The following HEBP1 variants were observed in gnomAD, a reference collection of about 807,000 sequenced individuals.
HEBP1 encodes the protein heme-binding protein 1.
A neutral mutation model predicts 20.4 loss-of-function variants in HEBP1; 13 were observed. That is an observed-to-expected ratio of 0.64 (90% CI 0.42 to 1.01). The LOEUF is 1.01. Ranked by LOEUF, HEBP1 falls within the 50% of genes least tolerant of loss-of-function variation. The pLI, the probability that HEBP1 is intolerant of heterozygous loss-of-function variation, is 0.00. For synonymous variants in HEBP1, 92 were observed against 90.7 expected (o/e 1.01, Z -0.08); for missense variants, 241 against 247.3 (o/e 0.97, Z 0.17).
rs145821079 is a variant in HEBP1, at chr12:12,987,590, T to TTCTC, written c.218-262_218-259dup. 3.0e-3 allele frequency among the ~76,000 whole-genome samples: 397 copies of TTCTC among 133,228 alleles called. 1 individual carries two copies. The highest frequency in any genetic ancestry group is 6.2e-3 in the Admixed American group (80 of 12,886). 87.4% of individuals were successfully genotyped at this position (133,228 alleles called of 152,430 possible). A position where few individuals can be genotyped will look rare whatever the true frequency, so the allele number is the denominator to read the frequency against. On this transcript the variant is annotated intron_variant, in intron 2 of 3. Transcript: ENST00000014930. ...TCAAGACTGTAGATTATCAGTCTCTTTCTCTCTCTCTCTCTCTCTCTTTCT... is the reference window on the plus strand; with the variant it reads ...TCAAGACTGTAGATTATCAGTCTCTTTCTCTCTCTCTCTCTCTCTCTCTCTTTCT...
At chr12:12,984,033 A>G (rs748186921) in intron 3 of HEBP1, 6 of 241,602 alleles carry the variant, frequency 2.5e-5, no homozygotes, top group Non-Finnish European at 4.2e-5. Flanking sequence ...ACAAACTGAA[A>G]CGTATCAAAT....
chr12:12,975,360 G>A lies in HEBP1; in HGVS notation c.518C>T (p.Pro173Leu). 2 of 1,614,084 alleles carry A rather than the reference G, an allele frequency of 1.2e-6. No homozygotes were observed. The highest frequency in any genetic ancestry group is 1.1e-5 in the South Asian group (1 of 91,074). Residue 173 changes from proline to leucine, a missense_variant, in exon 4 of 4, where the codon CCT (proline) becomes CTT (leucine). Physicochemically the swap from Pro to Leu is moderately conservative, Grantham distance 98. Coordinates refer to ENST00000014930, the MANE Select transcript of HEBP1 (RefSeq NM_015987.5). ...GDIYFCTGYD[P>L]PMKPYGRRNE... is the part of the protein sequence containing the mutation. ...GCGCCGTCCGTAGGGCTTCATGGGA[G>A]GGTCATAACCCGTGCAGAAGTAGAT...
chr12:12,989,156 G>A, intron 2 of HEBP1, 121 bp downstream of exon 2: 3 of 1,042,938 alleles, frequency 2.9e-6, no homozygotes, highest in Non-Finnish European at 4.4e-6. Context: ...GAGGTTCACA[G>A]GTCATTGAAA....
intron 1 of HEBP1, among the ~76,000 whole-genome samples, chr12:12,997,234 GC>G (rs1466482577): frequency 6.6e-6 from 1 of 152,072 alleles, no homozygotes; most frequent in Non-Finnish European, 1.5e-5. Flanking sequence ...TATCCCAGAG[GC>G]CCCAAATTAA....
rs955168854 is a variant in HEBP1 at position 12,998,387 on chromosome 12, T to C, written c.78+1650A>G. 2.0e-5 allele frequency among the ~76,000 whole-genome samples: 3 copies of C among 152,198 alleles called. No homozygotes were observed. Among genetic ancestry groups the C allele is most frequent in the Non-Finnish European group, 4.4e-5 (3 of 68,022 alleles). ...GTTTTCCTTAAGAATTTGGCAACAC[T>C]GTTTCATATATCACTGCATAGCAAC... is the stretch of plus-strand genomic sequence containing the variant. On this transcript the variant is annotated intron_variant, in intron 1 of 3. Coordinates refer to ENST00000014930, the MANE Select transcript of HEBP1 (RefSeq NM_015987.5). The surrounding 1 kb of genome is among the most constrained non-coding windows in gnomAD (Gnocchi z 4.2).
At position 13,000,242 on chromosome 12, in the gene HEBP1, GCGGCAAGGCGGCGGGA is replaced by G. The variant is rs1324335662; in HGVS notation, c.-144_-129del. The G allele has an allele frequency of 2.7e-6, 1 of 368,990 alleles. No individual in the cohort carries two copies. 22.9% of individuals were successfully genotyped at this position (368,990 alleles called of 1,614,324 possible). A position where few individuals can be genotyped will look rare whatever the true frequency, so the allele number is the denominator to read the frequency against. On this transcript the variant is annotated 5_prime_UTR_variant, in exon 1 of 4. Coordinates refer to ENST00000014930, the MANE Select transcript of HEBP1 (RefSeq NM_015987.5). ...GGCGGCAGGGCGGCAGGGTGGCAGG[GCGGCAAGGCGGCGGGA>G]CGGCGAGGCGGCGAGGCGAGAGGCG...
At chr12:12,987,041 A>T in intron 3 of HEBP1, 111 bp downstream of exon 3, 1 of 831,964 alleles carries the variant, frequency 1.2e-6, no homozygotes, top group Non-Finnish European at 1.9e-6. Context: ...TTCCTACTTA[A>T]ATTAATTCAG....
At chr12:12,976,162 G>A (rs574244467) in intron 3 of HEBP1, among the ~76,000 whole-genome samples, 1 of 151,142 alleles carries the variant, frequency 6.6e-6, no homozygotes, top group African/African-American at 2.4e-5. Context: ...AAGACCCAAG[G>A]AAGACTTGGG....
Position 12,974,949 on chromosome 12 carries a change from G to C in HEBP1, c.*359C>G. On this transcript the variant is annotated 3_prime_UTR_variant, in exon 4 of 4. Coordinates refer to ENST00000014930, the MANE Select transcript of HEBP1 (RefSeq NM_015987.5). ...TATAAGAATCACAGATGAAAGATCA[G>C]GCACAAATCACATTTTCCCCCTTAA... 5.0e-6 allele frequency: 1 copy of C among 200,006 alleles called. No individual in the cohort carries two copies. Among genetic ancestry groups the C allele is most frequent in the Non-Finnish European group, 1.0e-5 (1 of 97,580 alleles). 12.4% of individuals were successfully genotyped at this position (200,006 alleles called of 1,614,324 possible).
intron 3 of HEBP1, among the ~76,000 whole-genome samples, 158 bp from the exon 4 acceptor site, chr12:12,975,637 C>T (rs1409954602): frequency 6.6e-6 from 1 of 152,130 alleles, no homozygotes; most frequent in Non-Finnish European, 1.5e-5. Flanking sequence ...GTTGATTTTA[C>T]CTCTCTGAGC....
At chr12:12,991,393 T>C (rs1283768865) in intron 1 of HEBP1, among the ~76,000 whole-genome samples, 1 of 152,220 alleles carries the variant, frequency 6.6e-6, no homozygotes, top group Admixed American at 6.5e-5. Flanking sequence ...CTTGTCTCAC[T>C]AAATCACAGC....
At chr12:12,995,819 C>T (rs948884978) in intron 1 of HEBP1, among the ~76,000 whole-genome samples, 1 of 152,198 alleles carries the variant, frequency 6.6e-6, no homozygotes, top group Non-Finnish European at 1.5e-5. Flanking sequence ...CCTCCTTCAC[C>T]CCATCTCCAT....
intron 2 of HEBP1, 40 bp downstream of exon 2, chr12:12,989,237 G>A (rs772965491): frequency 1.2e-6 from 2 of 1,609,480 alleles, no homozygotes; most frequent in South Asian, 2.2e-5. Flanking sequence ...TTGCAAAGCT[G>A]GTCCCCGAGA....
At chr12:12,988,230 G>T (rs907487854) in intron 2 of HEBP1, among the ~76,000 whole-genome samples, 1 of 152,144 alleles carries the variant, frequency 6.6e-6, no homozygotes, top group African/African-American at 2.4e-5. Flanking sequence ...AACATTGATT[G>T]TATTGAATGG....
chr12:12,978,422 C>T (rs1030546756), intron 3 of HEBP1, among the ~76,000 whole-genome samples: 12 of 151,904 alleles, frequency 7.9e-5, no homozygotes, highest in African/African-American at 2.9e-4. Flanking sequence ...AGGCTGGTCT[C>T]AAACTCCTGA....
intron 1 of HEBP1, 89 bp downstream of exon 1, chr12:12,999,939 TCCTGCCCCA>T: frequency 1.4e-6 from 1 of 719,256 alleles, no homozygotes; most frequent in Non-Finnish European, 2.4e-6. Context: ...GATAGCACAT[TCCTGCCCCA>T]CCTGCCCCTC....
chr12:12,987,069 C>T (rs540674538), intron 3 of HEBP1, 83 bp downstream of exon 3: 119 of 1,089,782 alleles, frequency 1.1e-4, no homozygotes, highest in Non-Finnish European at 1.5e-4. Flanking sequence ...AAAAATTTGA[C>T]GCGAATGCTT....
intron 3 of HEBP1, among the ~76,000 whole-genome samples, chr12:12,977,825 T>C (rs1217850263): frequency 6.6e-6 from 1 of 152,242 alleles, no homozygotes; most frequent in Non-Finnish European, 1.5e-5. Context: ...TTATTGTTTA[T>C]GGTTTGTGTC....
intron 3 of HEBP1, among the ~76,000 whole-genome samples, chr12:12,981,838 C>A (rs1318788525): frequency 6.6e-6 from 1 of 152,150 alleles, no homozygotes; most frequent in Non-Finnish European, 1.5e-5. Flanking sequence ...TCAGGGGAGA[C>A]AGACAGAGGT....
Sources: allele counts gnomAD v4.1 joint callset (sites outside exome capture counted in the v4.1 genomes callset), GRCh38; gene constraint gnomAD v4.1.1; non-coding constraint Gnocchi (gnomAD v3.1); transcripts MANE v1.5; gene names NCBI Gene and HGNC (gene_info 2026-07-23, HGNC 2026-07-21).